The following DNAI4 variants were observed in gnomAD, a reference collection of about 807,000 sequenced individuals.
DNAI4 encodes dynein axonemal intermediate chain 4.
Under a neutral mutation model 105.8 loss-of-function variants are expected in DNAI4, and 85 were observed. That is an observed-to-expected ratio of 0.80 (90% CI 0.67 to 0.96). DNAI4 has a LOEUF of 0.96. DNAI4 is among the 40% of genes least tolerant of loss of function. The pLI, the probability that DNAI4 is intolerant of heterozygous loss-of-function variation, is 0.00. For missense variants in DNAI4, 1,014 were observed against 1,005.6 expected (o/e 1.01, Z -0.11); for synonymous variants, 352 against 331.5 (o/e 1.06, Z -0.67).
intron 6 of DNAI4, 93 bp downstream of exon 6, chr1:66,871,277 C>T: frequency 8.4e-7 from 1 of 1,195,612 alleles, no homozygotes; most frequent in Non-Finnish European, 1.1e-6. Context: ...TTTATTTTTG[C>T]TTTATACATT....
At chr1:66,904,521 A>G (rs1055570857) in intron 2 of DNAI4, among the ~76,000 whole-genome samples, 1 of 152,112 alleles carries the variant, frequency 6.6e-6, no homozygotes, top group Non-Finnish European at 1.5e-5. Flanking sequence ...GCTAATTTTT[A>G]AAAATTGGGT....
chr1:66,894,385 T>C (rs531540767), intron 2 of DNAI4, among the ~76,000 whole-genome samples: 81 of 152,314 alleles, frequency 5.3e-4, no homozygotes, highest in Non-Finnish European at 6.3e-4. Context: ...ATTGAGACTT[T>C]TTTATTATTG....
intron 6 of DNAI4, among the ~76,000 whole-genome samples, chr1:66,863,753 T>C (rs1436844274): frequency 6.6e-6 from 1 of 152,172 alleles, no homozygotes; most frequent in African/African-American, 2.4e-5. Context: ...CCACCATGCC[T>C]GGCCTCAATG....
At chr1:66,816,076 G>A (rs1645509021) in intron 16 of DNAI4, among the ~76,000 whole-genome samples, 1 of 152,150 alleles carries the variant, frequency 6.6e-6, no homozygotes, top group Non-Finnish European at 1.5e-5. Flanking sequence ...GGAAGGCCAA[G>A]ATATGAAGAT....
intron 7 of DNAI4, chr1:66,860,974 C>T (rs1302669262): frequency 2.6e-5 from 4 of 152,098 alleles, no homozygotes; most frequent in African/African-American, 9.7e-5. Flanking sequence ...TTCAGTAAAA[C>T]ATAGCTCTAG....
chr1:66,904,041 ATATT>A (rs900742722), intron 2 of DNAI4, among the ~76,000 whole-genome samples: 1 of 151,720 alleles, frequency 6.6e-6, no homozygotes, highest in African/African-American at 2.4e-5. Context: ...ATATGCATAT[ATATT>A]TAAATGCATG....
Position 66,884,665 on chromosome 1 carries a change from T to C in DNAI4, c.643+6489A>G, listed in dbSNP as rs1033371753. Reference sequence around the variant, plus strand: ...TTTTTGCATCCATGTTCATCAAGGATATTGGCCCATGATTTTTTCTTGTAA... The same window carrying C: ...TTTTTGCATCCATGTTCATCAAGGACATTGGCCCATGATTTTTTCTTGTAA... On this transcript the variant is annotated intron_variant, in intron 4 of 16. Coordinates refer to ENST00000371026, the MANE Select transcript of DNAI4 (RefSeq NM_024763.5). 2.6e-5 allele frequency among the ~76,000 whole-genome samples: 4 copies of C among 151,436 alleles called. No individual in the cohort carries two copies. The East Asian group carries it at 7.7e-4, about 29-fold the overall frequency.
At chr1:66,853,392 A>G (rs529178363) in intron 7 of DNAI4, among the ~76,000 whole-genome samples, 3 of 152,212 alleles carry the variant, frequency 2.0e-5, no homozygotes, top group Non-Finnish European at 4.4e-5. Flanking sequence ...TGTAGGGTAT[A>G]TTGAGTTTTA....
chr1:66,905,322 G>A lies in DNAI4; in HGVS notation c.224C>T (p.Ala75Val). The stretch of plus-strand genomic sequence containing the variant: ...ACCAGTATATCCTTTCACTGAAGTT[G>A]CTTTCATTGTAGCAAAAAAGCTAAT... ...KSISFFATMK[A>V]TSVKGYTGAN... is the part of the protein sequence containing the mutation. The change falls in exon 2 of 17, where the codon GCA becomes GTA. Residue 75 changes from alanine to valine, a missense_variant. Ala to Val is a moderately conservative substitution (Grantham distance 64). Coordinates refer to ENST00000371026, the MANE Select transcript of DNAI4 (RefSeq NM_024763.5). 2.0e-6 allele frequency: 3 copies of A among 1,524,858 alleles called. No individual in the cohort carries two copies. Among genetic ancestry groups the A allele is most frequent in the Non-Finnish European group, 2.7e-6 (3 of 1,123,512 alleles). The allele number at this position is 1,524,858 out of a possible 1,614,324, so 94.5% of individuals were successfully genotyped here.
At chr1:66,838,924 T>C (rs139995144) in intron 9 of DNAI4, among the ~76,000 whole-genome samples, 1 of 152,320 alleles carries the variant, frequency 6.6e-6, no homozygotes, top group Non-Finnish European at 1.5e-5. Context: ...TTACTGTATC[T>C]CTAGCGCCTT....
At chr1:66,852,131 T>C (rs550820853) in intron 7 of DNAI4, among the ~76,000 whole-genome samples, 1 of 151,788 alleles carries the variant, frequency 6.6e-6, no homozygotes, top group South Asian at 2.1e-4. Flanking sequence ...ATAACATAAA[T>C]CTCACAACTT....
chr1:66,905,356 T>C lies in DNAI4; in HGVS notation c.190A>G (p.Lys64Glu). 1 of 1,489,664 alleles carries C rather than the reference T, an allele frequency of 6.7e-7. No homozygotes were observed. Among genetic ancestry groups the C allele is most frequent in the Non-Finnish European group, 9.1e-7 (1 of 1,103,786 alleles). 92.3% of individuals were successfully genotyped at this position (1,489,664 alleles called of 1,614,324 possible). ...GTAGCAAAAAAGCTAATAGACTTCT[T>C]TGGTTGTGTGGCATTGTTCCTATAT... ...NFGLNNATQPKKSISFFATMK... is the reference protein window; with the variant it reads ...NFGLNNATQPEKSISFFATMK... The change falls in exon 2 of 17, where the codon AAG (lysine) becomes GAG (glutamate). Residue 64 changes from lysine (K) to glutamate (E), a missense_variant. Lys to Glu is a moderately conservative substitution (Grantham distance 56). Coordinates refer to ENST00000371026, the MANE Select transcript of DNAI4 (RefSeq NM_024763.5).
At chr1:66,878,053 C>A (rs1215167494) in intron 4 of DNAI4, among the ~76,000 whole-genome samples, 1 of 152,024 alleles carries the variant, frequency 6.6e-6, no homozygotes, top group East Asian at 1.9e-4. Flanking sequence ...AGTCAACATG[C>A]AAAGCCCATA....
chr1:66,862,140 A>G lies in DNAI4; in HGVS notation c.1096+7T>C. Reference sequence around the variant, plus strand: ...ATTCAAAAAAACTAAAATAAATGAAATCTTACTTTTTTCTGTAGTGCTCCC... The same window carrying G: ...ATTCAAAAAAACTAAAATAAATGAAGTCTTACTTTTTTCTGTAGTGCTCCC... On this transcript the variant is annotated splice_region_variant and intron_variant, in intron 7 of 16. Coordinates refer to ENST00000371026, the MANE Select transcript of DNAI4 (RefSeq NM_024763.5). The G allele has an allele frequency of 6.4e-7, 1 of 1,558,254 alleles. No individual in the cohort carries two copies. Among genetic ancestry groups the G allele is most frequent in the Non-Finnish European group, 8.6e-7 (1 of 1,160,330 alleles).
At chr1:66,855,098 A>G (rs1326599490) in intron 7 of DNAI4, among the ~76,000 whole-genome samples, 33 of 152,146 alleles carry the variant, frequency 2.2e-4, no homozygotes, top group Admixed American at 2.2e-3. Context: ...TCCTTAACAA[A>G]GCTTTCCCAC....
At chr1:66,892,991 A>AAGAAAGAAAGAAAGAAAGAAAGAG (rs1553227521) in intron 3 of DNAI4, among the ~76,000 whole-genome samples, 1 of 108,004 alleles carries the variant, frequency 9.3e-6, no homozygotes, top group African/African-American at 4.2e-5. Context: ...GAAAGAAAGA[A>AAGAAAGAAAGAAAGAAAGAAAGAG]AGAAAGAGAG....
chr1:66,889,927 G>T (rs1044099350), intron 4 of DNAI4, among the ~76,000 whole-genome samples: 1 of 152,052 alleles, frequency 6.6e-6, no homozygotes, highest in Non-Finnish European at 1.5e-5. Context: ...TTACCTCAAA[G>T]GATTTAATCA....
chr1:66,922,712 G>A (rs1008354707), intron 1 of DNAI4, among the ~76,000 whole-genome samples: 7 of 152,130 alleles, frequency 4.6e-5, no homozygotes, highest in Non-Finnish European at 7.3e-5. Context: ...TAGAAGTCAA[G>A]GGTAATCCCA....
In DNAI4 at chr1:66,833,699, C is replaced by T. The variant is rs756816905; in HGVS notation, c.1899G>A (p.Met633Ile). 4 of 1,611,942 alleles carry T rather than the reference C, an allele frequency of 2.5e-6. No individual in the cohort carries two copies. Among genetic ancestry groups the T allele is most frequent in the African/African-American group, 2.7e-5 (2 of 74,812 alleles). Residue 633 changes from methionine (M) to isoleucine (I), a missense_variant, in exon 13 of 17, where the codon ATG becomes ATA. Physicochemically the swap from Met to Ile is conservative, Grantham distance 10. Coordinates refer to ENST00000371026, the MANE Select transcript of DNAI4 (RefSeq NM_024763.5). The stretch of plus-strand genomic sequence containing the variant: ...TGGCAGCTGTAGTTCTCTTTAATCG[C>T]ATCAAATCTGTATTTAAAGAAAAAC... ...IRKGLDCYDL[M>I]RLKRTTAASN...
Sources: allele counts gnomAD v4.1 joint callset (sites outside exome capture counted in the v4.1 genomes callset), GRCh38; gene constraint gnomAD v4.1.1; transcripts MANE v1.5; gene names NCBI Gene and HGNC (gene_info 2026-07-23, HGNC 2026-07-21).